Variants in GABRP observed in about 807,000 individuals in gnomAD.
GABRP encodes gamma-aminobutyric acid receptor subunit pi.
A neutral mutation model predicts 47.8 loss-of-function variants in GABRP; 52 were observed. The observed-to-expected ratio is 1.09, with a 90% CI of 0.87 to 1.37. The LOEUF is 1.37. Among genes scored for constraint, GABRP ranks in the 40% most tolerant of loss-of-function variants. The pLI is 0.00. For missense variants in GABRP, 525 were observed against 542.8 expected, an observed-to-expected ratio of 0.97 and a Z score of 0.33; for synonymous variants, 221 against 205.8, an observed-to-expected ratio of 1.07 and a Z score of -0.63.
chr5:170,797,089 C>T (rs995203523), intron 5 of GABRP, among the ~76,000 whole-genome samples: 3 of 152,218 alleles, frequency 2.0e-5, no homozygotes, highest in African/African-American at 7.2e-5. Flanking sequence ...GTCCCTATGC[C>T]TGCTGTCAAG....
chr5:170,808,567 A>T (rs1484197957), intron 7 of GABRP, 33 bp from the exon 8 acceptor site: 2 of 1,602,282 alleles, frequency 1.2e-6, no homozygotes, highest in South Asian at 2.2e-5. Context: ...ACACGAACAG[A>T]CACAATTTCC....
rs113783343 is a variant in GABRP at position 170,787,615 on chromosome 5, C to T, written c.-42-959C>T. 7.6e-3 allele frequency among the ~76,000 whole-genome samples: 1,104 copies of T among 145,946 alleles called. 18 individuals carry two copies. Among genetic ancestry groups the T allele is most frequent in the African/African-American group, 0.023 (951 of 40,676 alleles). ...AGCCTGCTCTGAAGGAAGAGAGTACCGGGGGGGAGGCAGCCAGCCCTGGAT... is the reference window on the plus strand; with the variant it reads ...AGCCTGCTCTGAAGGAAGAGAGTACTGGGGGGGAGGCAGCCAGCCCTGGAT... On this transcript the variant is annotated intron_variant, in intron 1 of 9. Transcript: ENST00000265294.
Position 170,806,608 on chromosome 5 carries a change from A to G in GABRP, c.679+755A>G, listed in dbSNP as rs528957611. 2.0e-5 allele frequency among the ~76,000 whole-genome samples: 3 copies of G among 152,210 alleles called. No individual in the cohort carries two copies. The South Asian group carries it at 6.2e-4, about 32-fold the overall frequency. On this transcript the variant is annotated intron_variant, in intron 7 of 9. Coordinates refer to ENST00000265294, the MANE Select transcript of GABRP (RefSeq NM_014211.3). Reference sequence around the variant, plus strand: ...CAGGCATCCTCCAGCATGCCCGGCTAATTTTTGTATTTTTGGTAGAGAGGG... The same window carrying G: ...CAGGCATCCTCCAGCATGCCCGGCTGATTTTTGTATTTTTGGTAGAGAGGG...
intron 9 of GABRP, chr5:170,810,066 G>A: frequency 1.5e-6 from 1 of 645,806 alleles, no homozygotes; most frequent in African/African-American, 1.8e-5. Flanking sequence ...AAAAAAACAT[G>A]ATCAGCTGCT....
In GABRP at chr5:170,784,197, C is replaced by T. The variant is rs529414173; in HGVS notation, c.-43+323C>T. 2.6e-3 allele frequency among the ~76,000 whole-genome samples: 393 copies of T among 152,298 alleles called. 1 individual carries two copies. Among genetic ancestry groups the T allele is most frequent in the Non-Finnish European group, 4.7e-3 (322 of 68,016 alleles). ...TGCCTTTCCTCACCTTAACCTAATT[C>T]GGGCTCTACTCCTGCTTTCCAACAA... On this transcript the variant is annotated intron_variant, in intron 1 of 9. Coordinates refer to ENST00000265294, the MANE Select transcript of GABRP (RefSeq NM_014211.3).
intron 9 of GABRP, 25 bp from the exon 10 acceptor site, chr5:170,811,931 G>C (rs1259415164): frequency 6.2e-7 from 1 of 1,602,150 alleles, no homozygotes; most frequent in Admixed American, 1.7e-5. Flanking sequence ...AGTCTTTTAA[G>C]CTAACTGCAT....
At chr5:170,791,307 T>A (rs78624780) in intron 3 of GABRP, among the ~76,000 whole-genome samples, 1 of 152,182 alleles carries the variant, frequency 6.6e-6, no homozygotes, top group African/African-American at 2.4e-5. Flanking sequence ...GTTTTGTGCC[T>A]CTTGGCACTT....
intron 1 of GABRP, among the ~76,000 whole-genome samples, chr5:170,787,152 T>C (rs550565572): frequency 2.6e-4 from 40 of 152,376 alleles, no homozygotes; most frequent in African/African-American, 9.6e-4. Flanking sequence ...TTGGGACTTA[T>C]ACTTTTAACT....
chr5:170,786,928 T>C (rs1255212571), intron 1 of GABRP, among the ~76,000 whole-genome samples: 2 of 152,210 alleles, frequency 1.3e-5, no homozygotes, highest in Admixed American at 1.3e-4. Flanking sequence ...ACAACTGTTA[T>C]CGGTAGTTAT....
intron 6 of GABRP, among the ~76,000 whole-genome samples, chr5:170,803,438 T>C (rs1207024843): frequency 1.3e-5 from 2 of 152,172 alleles, no homozygotes; most frequent in Admixed American, 6.5e-5. Context: ...ATCAGTGAAG[T>C]GGGAAGAATA....
At chr5:170,791,621 G>A (rs1282695789) in intron 3 of GABRP, among the ~76,000 whole-genome samples, 1 of 152,104 alleles carries the variant, frequency 6.6e-6, no homozygotes, top group Non-Finnish European at 1.5e-5. Context: ...GCCAATTGAG[G>A]CAAAGCCTAG....
At chr5:170,802,263 T>C (rs1461350258) in intron 6 of GABRP, among the ~76,000 whole-genome samples, 1 of 152,178 alleles carries the variant, frequency 6.6e-6, no homozygotes, top group African/African-American at 2.4e-5. Flanking sequence ...GCACCTGTGA[T>C]AGGCAAACAA....
chr5:170,794,531 T>C, intron 4 of GABRP: 1 of 360,178 alleles, frequency 2.8e-6, no homozygotes, highest in Non-Finnish European at 5.0e-6. Flanking sequence ...GCAGATTTCC[T>C]GAGTAGCAGG....
chr5:170,794,151 T>C, intron 3 of GABRP, 80 bp from the exon 4 acceptor site: 1 of 839,538 alleles, frequency 1.2e-6, no homozygotes, highest in African/African-American at 1.7e-5. Flanking sequence ...GTAATTTTAA[T>C]CTTTTTTAGA....
In GABRP at chr5:170,808,581, CT is replaced by C. The variant is rs760876567; in HGVS notation, c.680-18del. On this transcript the variant is annotated intron_variant, in intron 7 of 9. Transcript: ENST00000265294. ...TACACGAACAGACACAATTTCCTAT[CT>C]GTTGTTTACCCTTTCAGGAAATTAC... 4.0e-4 allele frequency: 647 copies of C among 1,608,880 alleles called. No individual in the cohort carries two copies. The highest frequency in any genetic ancestry group is 5.2e-4 in the Non-Finnish European group (611 of 1,176,464).
Position 170,813,655 on chromosome 5 carries a change from C to T in GABRP, c.*1397C>T, listed in dbSNP as rs1765950581. 1 of 152,128 alleles carries T rather than the reference C, an allele frequency of 6.6e-6. No individual in the cohort carries two copies. The highest frequency in any genetic ancestry group is 1.5e-5 in the Non-Finnish European group (1 of 68,028). The allele number at this position is 152,128 out of a possible 1,614,324, so 9.4% of individuals were successfully genotyped here. ...CCTCAGTTATTTTAGACAATCTCGC[C>T]ATCTTTAATTTCTTAGCTTCCTGTT... is the stretch of plus-strand genomic sequence containing the variant. On this transcript the variant is annotated 3_prime_UTR_variant, in exon 10 of 10. Coordinates refer to ENST00000265294, the MANE Select transcript of GABRP (RefSeq NM_014211.3).
intron 7 of GABRP, among the ~76,000 whole-genome samples, chr5:170,808,084 A>G (rs1402348804): frequency 6.6e-6 from 1 of 152,186 alleles, no homozygotes; most frequent in African/African-American, 2.4e-5. Flanking sequence ...CCTTTCCCAC[A>G]TCTAGAATAC....
intron 8 of GABRP, among the ~76,000 whole-genome samples, chr5:170,809,362 C>T (rs974502583): frequency 8.6e-5 from 13 of 151,948 alleles, no homozygotes; most frequent in South Asian, 2.1e-4. Flanking sequence ...GAACGTGAAA[C>T]ATTAAAAAAA....
In GABRP at chr5:170,809,799, G is replaced by A. The variant is rs34393885; in HGVS notation, c.1020+44G>A. On this transcript the variant is annotated intron_variant, in intron 9 of 9. Transcript: ENST00000265294. ...CTGTGTATGATCCATCACTGGTGCC[G>A]TGTGCTGATCTGTAGACATGGGCTG... 4.6e-4 allele frequency: 710 copies of A among 1,539,892 alleles called. 3 individuals carry two copies. The South Asian group carries it at 5.0e-3, about 11-fold the overall frequency.
Sources: allele counts gnomAD v4.1 joint callset (sites outside exome capture counted in the v4.1 genomes callset), GRCh38; gene constraint gnomAD v4.1.1; transcripts MANE v1.5; gene names NCBI Gene and HGNC (gene_info 2026-07-23, HGNC 2026-07-21).